Variants in KMT2D observed in about 807,000 individuals in gnomAD.
The protein encoded by KMT2D is histone-lysine N-methyltransferase 2D.
In KMT2D, 55 loss-of-function variants were observed where a neutral mutation model predicts 512.7. That is an observed-to-expected ratio of 0.11 (90% confidence interval 0.09 to 0.13). The LOEUF is 0.13. Ranked by LOEUF, KMT2D falls within the 10% of genes least tolerant of loss-of-function variation. KMT2D has a pLI of 1.00. For missense variants in KMT2D, 6,061 were observed against 7,127.9 expected, an observed-to-expected ratio of 0.85 and a Z score of 5.39; for synonymous variants, 2,995 against 2,904.0, an observed-to-expected ratio of 1.03 and a Z score of -1.01.
Position 49,054,370 on chromosome 12 carries a change from T to C in KMT2D, c.447A>G (p.Val149=), listed in dbSNP as rs752287450. ...HHWCAAWSAG[V]WGQEGPELCG... ...ATAGTTCTGGGCCCTCCTGCCCCCA[T>C]ACGCCTGCCGACCATGCAGCACACC... Residue 149 remains valine (V), a synonymous_variant, in exon 5 of 55, where the codon GTA becomes GTG. Coordinates refer to ENST00000301067, the MANE Select transcript of KMT2D (RefSeq NM_003482.4). This position sits in a 1 kb window ranked among gnomAD's most constrained non-coding sequence, Gnocchi z 6.4. 5 of 1,597,026 alleles carry C rather than the reference T, an allele frequency of 3.1e-6. No individual in the cohort carries two copies. The South Asian group carries it at 5.7e-5, about 18-fold the overall frequency.
At chr12:49,029,610 G>A (rs1479893534) in intron 43 of KMT2D, 134 bp from the exon 44 acceptor site, 3 of 651,030 alleles carry the variant, frequency 4.6e-6, no homozygotes, top group Non-Finnish European at 5.4e-6. Context: ...CTACCAGTTT[G>A]GGGCAAACAA....
chr12:49,026,285 G>A lies in KMT2D; in HGVS notation c.15681C>T (p.Cys5227=), dbSNP rs1942584135. ...WSLRTNNRRC[C]YRCSIGENNG... is the part of the protein sequence containing the mutation. ...TGTTCTCACCAATAGAACAGCGATA[G>A]CAGCAGCGACGATTGTTGGTGCGGA... The change falls in exon 49 of 55, where the codon TGC becomes TGT. Residue 5227 remains cysteine (C), a synonymous_variant. Transcript: ENST00000301067. The surrounding 1 kb of genome is among the most constrained non-coding windows in gnomAD (Gnocchi z 9.6). 1 of 1,611,786 alleles carries A rather than the reference G, an allele frequency of 6.2e-7. No individual in the cohort carries two copies. Among genetic ancestry groups the A allele is most frequent in the Non-Finnish European group, 8.5e-7 (1 of 1,177,956 alleles).
Position 49,040,102 on chromosome 12 carries a change from G to C in KMT2D, c.7668C>G (p.Leu2556=), listed in dbSNP as rs763402990. The C allele has an allele frequency of 3.9e-5, 63 of 1,613,832 alleles. No homozygotes were observed. The highest frequency in any genetic ancestry group is 5.0e-5 in the Non-Finnish European group (59 of 1,179,864). The change falls in exon 32 of 55, where the codon CTC becomes CTG. Residue 2556 remains leucine, a synonymous_variant. Coordinates refer to ENST00000301067, the MANE Select transcript of KMT2D (RefSeq NM_003482.4). The part of the protein sequence containing the change: ...SLKPPVPQPG[L]PPPHGINSHF... ...GGCTGTTGATCCCATGGGGTGGCGG[G>C]AGACCAGGCTGAGGGACAGGGGGCT... is the stretch of plus-strand genomic sequence containing the variant.
At position 49,020,968 on chromosome 12, in the gene KMT2D, GTTT is replaced by G. The variant is rs1287201003; in HGVS notation, c.*809_*811del. The G allele has an allele frequency of 5.1e-6, 1 of 195,074 alleles. No individual in the cohort carries two copies. The highest frequency in any genetic ancestry group is 1.1e-5 in the Non-Finnish European group (1 of 93,582). 12.1% of individuals were successfully genotyped at this position (195,074 alleles called of 1,614,324 possible). On this transcript the variant is annotated 3_prime_UTR_variant, in exon 55 of 55. Transcript: ENST00000301067. ...AAACAAAGATGGATTTTTTGTTGTT[GTTT>G]TTCTTCCTCCTCCTACCCCCCTTCC...
chr12:49,033,585 C>T lies in KMT2D; in HGVS notation c.11120G>A (p.Arg3707Gln), dbSNP rs587778477. ...AAGCCTTGAATCAGGTCCGAGGCTT[C>T]GAAGAGCAAGGTTGCCAGGGAAGAA... ...GGFFPGNLAL[R>Q]SLGPDSRLLQ... Residue 3707 changes from arginine to glutamine, a missense_variant, in exon 40 of 55, where the codon CGA becomes CAA. Physicochemically the swap from Arg to Gln is conservative, Grantham distance 43. Coordinates refer to ENST00000301067, the MANE Select transcript of KMT2D (RefSeq NM_003482.4). The T allele has an allele frequency of 1.6e-5, 26 of 1,613,370 alleles. No individual in the cohort carries two copies. In the East Asian group the frequency reaches 3.6e-4, roughly 22 times the overall value.
In KMT2D at chr12:49,038,930, G is replaced by A. The variant is rs1395799946; in HGVS notation, c.8426C>T (p.Pro2809Leu). The A allele has an allele frequency of 1.9e-6, 3 of 1,551,634 alleles. No homozygotes were observed. Among genetic ancestry groups the A allele is most frequent in the Non-Finnish European group, 2.6e-6 (3 of 1,147,046 alleles). Reference sequence around the variant, plus strand: ...CAGTTGTTGCTGTTGCTGCTGTAAGGGCAGGGACCCAGGATAGGGTGCTCG... The same window carrying A: ...CAGTTGTTGCTGTTGCTGCTGTAAGAGCAGGGACCCAGGATAGGGTGCTCG... ...YQRAPYPGSL[P>L]LQQQQQQLWQ... The change falls in exon 35 of 55, where the codon CCC (proline) becomes CTC (leucine). Residue 2809 changes from proline (P) to leucine (L), a missense_variant. By Grantham distance (98) the Pro-to-Leu change is moderately conservative (BLOSUM62 -3). Transcript: ENST00000301067. The surrounding 1 kb of genome is among the most constrained non-coding windows in gnomAD (Gnocchi z 5.7).
In KMT2D at chr12:49,042,015, GAGA is replaced by G; in HGVS notation, c.6110-28_6110-26del. On this transcript the variant is annotated intron_variant, in intron 29 of 54. Coordinates refer to ENST00000301067, the MANE Select transcript of KMT2D (RefSeq NM_003482.4). This position sits in a 1 kb window ranked among gnomAD's most constrained non-coding sequence, Gnocchi z 4.4. ...TCTGGAGGGCAGAGAGAGTGAGTCA[GAGA>G]AGACTTGGCAGGCGACTCCTCCACC... is the stretch of plus-strand genomic sequence containing the variant. The G allele has an allele frequency of 6.2e-7, 1 of 1,612,258 alleles. No individual in the cohort carries two copies. Among genetic ancestry groups the G allele is most frequent in the East Asian group, 2.2e-5 (1 of 44,836 alleles).
chr12:49,040,803 T>G lies in KMT2D; in HGVS notation c.6967A>C (p.Thr2323Pro), dbSNP rs761166521. ...AGGGGGGCTTTGAAGACATCAGGTG[T>G]CTTTAACTCCAGGCCACCCAGGTGG... is the stretch of plus-strand genomic sequence containing the variant. ...GTHLGGLELKTPDVFKAPLTP... is the reference protein window; with the variant it reads ...GTHLGGLELKPPDVFKAPLTP... Residue 2323 changes from threonine (T) to proline (P), a missense_variant, in exon 32 of 55, where the codon ACA becomes CCA. Thr to Pro is a conservative substitution (Grantham distance 38). Transcript: ENST00000301067. 1 of 1,613,560 alleles carries G rather than the reference T, an allele frequency of 6.2e-7. No individual in the cohort carries two copies. The highest frequency in any genetic ancestry group is 8.5e-7 in the Non-Finnish European group (1 of 1,179,692).
In KMT2D at chr12:49,024,783, C is replaced by T. The variant is rs1388729338; in HGVS notation, c.15921+27G>A. On this transcript the variant is annotated intron_variant, in intron 50 of 54. Transcript: ENST00000301067. This position sits in a 1 kb window ranked among gnomAD's most constrained non-coding sequence, Gnocchi z 4.5. The stretch of plus-strand genomic sequence containing the variant: ...GCCAAAGTTCTCAGTGCCCGCCAAG[C>T]CCCCCAGCTCCCAGCCCCTTCCTTA... The T allele has an allele frequency of 6.2e-7, 1 of 1,608,058 alleles. No individual in the cohort carries two copies. Among genetic ancestry groups the T allele is most frequent in the Non-Finnish European group, 8.5e-7 (1 of 1,175,598 alleles).
Position 49,041,325 on chromosome 12 carries a change from A to G in KMT2D, c.6445T>C (p.Ser2149Pro), listed in dbSNP as rs587778468. ...ADGFLKPPAG[S>P]VPGPDSPGEL... ...CCAGGCGAGTCAGGGCCAGGCACCG[A>G]GCCCGCCGGCGGCTTCAGGAACCCG... The change falls in exon 32 of 55, where the codon TCG becomes CCG. Residue 2149 changes from serine (S) to proline (P), a missense_variant. By Grantham distance (74) the Ser-to-Pro change is moderately conservative. Coordinates refer to ENST00000301067, the MANE Select transcript of KMT2D (RefSeq NM_003482.4). The surrounding 1 kb of genome is among the most constrained non-coding windows in gnomAD (Gnocchi z 5.4). 36 of 1,539,474 alleles carry G rather than the reference A, an allele frequency of 2.3e-5. No individual in the cohort carries two copies. The South Asian group carries it at 4.4e-4, about 19-fold the overall frequency.
rs765742357 is a variant in KMT2D at position 49,032,841 on chromosome 12, A to AGCTGCTGTT, written c.11855_11863dup (p.Gln3952_Gln3954dup). ...CTGTTGTTGTTGCTGTTGCTGTTGT[A>AGCTGCTGTT]GCTGCTGTTGCTGCTGTTGAAGCTG... On this transcript the variant is annotated inframe_insertion, in exon 40 of 55. Coordinates refer to ENST00000301067, the MANE Select transcript of KMT2D (RefSeq NM_003482.4). The AGCTGCTGTT allele has an allele frequency of 3.2e-6, 5 of 1,550,020 alleles. No individual in the cohort carries two copies. Among genetic ancestry groups the AGCTGCTGTT allele is most frequent in the Non-Finnish European group, 4.4e-6 (5 of 1,146,838 alleles).
At position 49,028,882 on chromosome 12, in the gene KMT2D, C is replaced by A; in HGVS notation, c.14328G>T (p.Lys4776Asn). 1 of 1,614,030 alleles carries A rather than the reference C, an allele frequency of 6.2e-7. No individual in the cohort carries two copies. Among genetic ancestry groups the A allele is most frequent in the Non-Finnish European group, 8.5e-7 (1 of 1,179,896 alleles). Residue 4776 changes from lysine to asparagine, a missense_variant, in exon 46 of 55, where the codon AAG becomes AAT. Transcript: ENST00000301067. Reference protein sequence around the residue: ...PGKLPVTTWEKGKGSEVSVML... With the variant: ...PGKLPVTTWENGKGSEVSVML... ...TGACTGACACCTCACTTCCTTTGCC[C>A]TTTTCCCAAGTTGTGACAGGCAGCT...
chr12:49,028,982 G>GT (rs1237988589), intron 45 of KMT2D, 24 bp from the exon 46 acceptor site: 1 of 1,612,572 alleles, frequency 6.2e-7, no homozygotes, highest in African/African-American at 1.3e-5. Context: ...AGGAATTTGT[G>GT]TAACACTTGG....
rs776453669 is a variant in KMT2D at position 49,043,094 on chromosome 12, C to T, written c.5626G>A (p.Asp1876Asn). The T allele has an allele frequency of 6.2e-7, 1 of 1,613,858 alleles. No individual in the cohort carries two copies. Among genetic ancestry groups the T allele is most frequent in the South Asian group, 1.1e-5 (1 of 91,078 alleles). ...GCCTCACCTTCTGTGGAAATCCTGT[C>T]TAAGTCAGAGCTAAGCATCCCTTCA... is the stretch of plus-strand genomic sequence containing the variant. Reference protein sequence around the residue: ...PGEGMLSSDLDRISTEELPKM... With the variant: ...PGEGMLSSDLNRISTEELPKM... The change falls in exon 26 of 55, where the codon GAC becomes AAC. Residue 1876 changes from aspartate to asparagine, a missense_variant. Asp to Asn is a conservative substitution (Grantham distance 23, BLOSUM62 1). Coordinates refer to ENST00000301067, the MANE Select transcript of KMT2D (RefSeq NM_003482.4).
At position 49,051,970 on chromosome 12, in the gene KMT2D, G is replaced by A. The variant is rs2120679517; in HGVS notation, c.1713C>T (p.Arg571=). ...GTGACTCCTCAGGTGGTGGAGACAG[G>A]CGAGATGCTTCAGGTGGCGGGGAAG... ...LPTSPPPEAS[R]LSPPPEESPM... Residue 571 remains arginine, a synonymous_variant, in exon 11 of 55, where the codon CGC becomes CGT. Transcript: ENST00000301067. 2 of 1,612,330 alleles carry A rather than the reference G, an allele frequency of 1.2e-6. No individual in the cohort carries two copies. The highest frequency in any genetic ancestry group is 1.7e-6 in the Non-Finnish European group (2 of 1,179,348).
rs747977385 is a variant in KMT2D at position 49,051,013 on chromosome 12, G to C, written c.2670C>G (p.Ser890=). Residue 890 remains serine, a synonymous_variant, in exon 11 of 55, where the codon TCC becomes TCG. Coordinates refer to ENST00000301067, the MANE Select transcript of KMT2D (RefSeq NM_003482.4). ...LPLFPPPGEP[S]LSPLLGEPAL... ...CTGGCTCTCCAAGCAAGGGAGATAA[G>C]GATGGTTCCCCAGGGGGAGGGAACA... 6.4e-7 allele frequency: 1 copy of C among 1,567,814 alleles called. No individual in the cohort carries two copies. Among genetic ancestry groups the C allele is most frequent in the Admixed American group, 1.9e-5 (1 of 52,654 alleles).
chr12:49,051,258 G>T lies in KMT2D; in HGVS notation c.2425C>A (p.Gln809Lys). 1 of 1,540,440 alleles carries T rather than the reference G, an allele frequency of 6.5e-7. No individual in the cohort carries two copies. Among genetic ancestry groups the T allele is most frequent in the Non-Finnish European group, 8.8e-7 (1 of 1,142,422 alleles). The change falls in exon 11 of 55, where the codon CAG (glutamine) becomes AAG (lysine). Residue 809 changes from glutamine to lysine, a missense_variant. By Grantham distance (53) the Gln-to-Lys change is moderately conservative. This residue lies in a region of KMT2D where 848 missense variants were observed against 838.5 expected (regional missense o/e 1.01). Transcript: ENST00000301067. ...PQPEELHLSP[Q>K]TEEPHLSPVP... ...GGAGACAGGTGCGGCTCCTCAGTCT[G>T]GGGGGACAGGTGCAATTCCTCAGGC... is the stretch of plus-strand genomic sequence containing the variant.
At position 49,032,499 on chromosome 12, in the gene KMT2D, A is replaced by G. The variant is rs1377098537; in HGVS notation, c.12206T>C (p.Leu4069Pro). ...ATEPGEVKPS[L>P]SGDSQLLLVQ... ...AAGCAGGAGTTGTGAGTCCCCAGAG[A>G]GTGAGGGCTTTACCTCTCCTGGTTC... The change falls in exon 40 of 55, where the codon CTC becomes CCC. Residue 4069 changes from leucine (L) to proline (P), a missense_variant. Transcript: ENST00000301067. The G allele has an allele frequency of 1.3e-6, 2 of 1,575,962 alleles. No homozygotes were observed. Among genetic ancestry groups the G allele is most frequent in the Non-Finnish European group, 1.7e-6 (2 of 1,160,600 alleles).
At position 49,039,746 on chromosome 12, in the gene KMT2D, G is replaced by A; in HGVS notation, c.8024C>T (p.Thr2675Ile). Residue 2675 changes from threonine to isoleucine, a missense_variant, in exon 32 of 55, where the codon ACA (threonine) becomes ATA (isoleucine). Transcript: ENST00000301067. The surrounding 1 kb of genome is among the most constrained non-coding windows in gnomAD (Gnocchi z 5.0). ...TACCTGCCGTTGCTTCTCCAGCTCT[G>A]TTTGGCTAAGGCCGGACATGCCTGG... ...QDPGMSGLSQ[T>I]ELEKQRQRQR... 6.2e-7 allele frequency: 1 copy of A among 1,613,468 alleles called. No homozygotes were observed. The highest frequency in any genetic ancestry group is 8.5e-7 in the Non-Finnish European group (1 of 1,179,816).
Sources: allele counts gnomAD v4.1 joint callset, GRCh38; gene constraint gnomAD v4.1.1; regional missense constraint gnomAD v4.1.1; non-coding constraint Gnocchi (gnomAD v3.1); transcripts MANE v1.5; gene names NCBI Gene and HGNC (gene_info 2026-07-23, HGNC 2026-07-21).